GAS7: variants seen among roughly 807,000 people sequenced by gnomAD.
GAS7 encodes growth arrest-specific protein 7.
GAS7 carries 28 observed loss-of-function variants against 71.1 expected under a neutral mutation model. The ratio of observed to expected loss-of-function variants is 0.39; its 90% CI spans 0.29 to 0.54. The LOEUF (loss-of-function observed/expected upper bound fraction) is 0.54, where lower values mean the gene tolerates loss of function less well. Ranked by LOEUF, GAS7 falls within the 20% of genes least tolerant of loss-of-function variation. The pLI is 0.62. For synonymous variants in GAS7, 258 were observed against 245.8 expected, an observed-to-expected ratio of 1.05 and a Z score of -0.46; for missense variants, 436 against 627.8, an observed-to-expected ratio of 0.69 and a Z score of 3.27.
At chr17:10,045,269 C>T (rs1243291580) in intron 1 of GAS7, among the ~76,000 whole-genome samples, 1 of 152,158 alleles carries the variant, frequency 6.6e-6, no homozygotes, top group Non-Finnish European at 1.5e-5. Context: ...AGGCCATAGA[C>T]TGTGGCTGGC....
Position 10,034,813 on chromosome 17 carries a change from A to C in GAS7, c.184-14916T>G, listed in dbSNP as rs1244621092. ...TGTGCTTCCACCTCTCACCACACTG[A>C]GTTCTGTCCTGATGCGTCCACCTCT... On this transcript the variant is annotated intron_variant, in intron 1 of 13. Coordinates refer to ENST00000432992, the MANE Select transcript of GAS7 (RefSeq NM_201433.2). This position sits in a 1 kb window ranked among gnomAD's most constrained non-coding sequence, Gnocchi z 4.4. Among the ~76,000 whole-genome samples the C allele has an allele frequency of 1.3e-5, 2 of 151,988 alleles. No homozygotes were observed. The highest frequency in any genetic ancestry group is 4.8e-5 in the African/African-American group (2 of 41,368).
chr17:10,023,757 G>A (rs936333029), intron 1 of GAS7, among the ~76,000 whole-genome samples: 13 of 152,276 alleles, frequency 8.5e-5, no homozygotes, highest in Non-Finnish European at 1.9e-4. Context: ...GGTAATGGTT[G>A]CACAATATCA....
intron 2 of GAS7, among the ~76,000 whole-genome samples, chr17:9,986,802 C>T (rs1414499271): frequency 6.6e-6 from 1 of 152,174 alleles, no homozygotes; most frequent in Non-Finnish European, 1.5e-5. Flanking sequence ...AGGATTCAGC[C>T]CAGTCCATCT....
Position 9,974,175 on chromosome 17 carries a change from A to G in GAS7, c.386-4413T>C, listed in dbSNP as rs2070088170. The stretch of plus-strand genomic sequence containing the variant: ...CTCATGTCAAAACAATTACGAGGAA[A>G]GAAAACACAGTTTTCCATTCGACCC... On this transcript the variant is annotated intron_variant, in intron 3 of 13. Coordinates refer to ENST00000432992, the MANE Select transcript of GAS7 (RefSeq NM_201433.2). This position sits in a 1 kb window ranked among gnomAD's most constrained non-coding sequence, Gnocchi z 4.0. Among the ~76,000 whole-genome samples, 1 of 152,254 alleles carries G rather than the reference A, an allele frequency of 6.6e-6. No individual in the cohort carries two copies. The highest frequency in any genetic ancestry group is 2.4e-5 in the African/African-American group (1 of 41,468).
At chr17:10,130,689 TA>T (rs1238218215) in intron 1 of GAS7, among the ~76,000 whole-genome samples, 1 of 152,212 alleles carries the variant, frequency 6.6e-6, no homozygotes, top group Non-Finnish European at 1.5e-5. Flanking sequence ...AATGAAGTCC[TA>T]ATACATGCTA....
At chr17:10,104,652 A>C in intron 1 of GAS7, among the ~76,000 whole-genome samples, 1 of 152,140 alleles carries the variant, frequency 6.6e-6, no homozygotes, top group Non-Finnish European at 1.5e-5. Context: ...TCCATAACTC[A>C]TTTTAATAAA....
At position 9,917,154 on chromosome 17, in the gene GAS7, C is replaced by T. The variant is rs962006953; in HGVS notation, c.*74G>A. 1.8e-5 allele frequency: 17 copies of T among 919,790 alleles called. No individual in the cohort carries two copies. Among genetic ancestry groups the T allele is most frequent in the African/African-American group, 4.8e-5 (3 of 61,864 alleles). 57.0% of individuals were successfully genotyped at this position (919,790 alleles called of 1,614,324 possible). On this transcript the variant is annotated 3_prime_UTR_variant, in exon 14 of 14. Transcript: ENST00000432992. Reference sequence around the variant, plus strand: ...CCCAGGAGAGAGGGTGGGGGGCATCCACTCGGCATGGGCCCCATGGTGGGA... The same window carrying T: ...CCCAGGAGAGAGGGTGGGGGGCATCTACTCGGCATGGGCCCCATGGTGGGA...
At position 10,198,464 on chromosome 17, in the gene GAS7, G is replaced by T; in HGVS notation, c.-74C>A. ...CACGGGCTGGGCAGCGGCTCCGCGG[G>T]GTCCCAGGCGCCCGGCGCTCCGGGC... On this transcript the variant is annotated 5_prime_UTR_variant, in exon 1 of 14. Coordinates refer to ENST00000432992, the MANE Select transcript of GAS7 (RefSeq NM_201433.2). The T allele has an allele frequency of 8.7e-7, 1 of 1,149,752 alleles. No individual in the cohort carries two copies. Among genetic ancestry groups the T allele is most frequent in the Non-Finnish European group, 1.1e-6 (1 of 878,834 alleles). The allele number at this position is 1,149,752 out of a possible 1,614,324, so 71.2% of individuals were successfully genotyped here.
At chr17:9,977,081 G>A (rs1825202488) in intron 3 of GAS7, among the ~76,000 whole-genome samples, 1 of 152,210 alleles carries the variant, frequency 6.6e-6, no homozygotes, top group Non-Finnish European at 1.5e-5. Context: ...TCATGGTTTT[G>A]ACAAATGTAC....
intron 2 of GAS7, among the ~76,000 whole-genome samples, chr17:9,998,808 G>T (rs2071151250): frequency 6.6e-6 from 1 of 151,112 alleles, no homozygotes; most frequent in Non-Finnish European, 1.5e-5. Context: ...CTGCATTCCT[G>T]TGAGATGCCC....
At chr17:10,046,839 AGGAAGG>A (rs2072975071) in intron 1 of GAS7, among the ~76,000 whole-genome samples, 10 of 134,534 alleles carry the variant, frequency 7.4e-5, no homozygotes, top group Non-Finnish European at 1.5e-4. Context: ...GAAGGAAGGA[AGGAAGG>A]AAAGAAAAGA....
chr17:10,151,863 G>T (rs2074169121), intron 1 of GAS7, among the ~76,000 whole-genome samples: 1 of 152,154 alleles, frequency 6.6e-6, no homozygotes, highest in South Asian at 2.1e-4. Flanking sequence ...AAGTTTTCCA[G>T]TTTTGACTTT....
chr17:10,091,894 A>G (rs1567587980), intron 1 of GAS7, among the ~76,000 whole-genome samples: 2 of 151,996 alleles, frequency 1.3e-5, no homozygotes, highest in East Asian at 3.9e-4. Flanking sequence ...ATGTTTGCCC[A>G]GGCTGGTCTC....
chr17:10,084,248 G>C (rs2039697946), intron 1 of GAS7, among the ~76,000 whole-genome samples: 1 of 152,202 alleles, frequency 6.6e-6, no homozygotes. Flanking sequence ...GGAATTTTTA[G>C]GGGGAGAATA....
At chr17:10,087,230 G>A (rs1288512113) in intron 1 of GAS7, among the ~76,000 whole-genome samples, 1 of 152,214 alleles carries the variant, frequency 6.6e-6, no homozygotes, top group Non-Finnish European at 1.5e-5. Context: ...GAGCACATGG[G>A]TTCAGCTACC....
intron 1 of GAS7, among the ~76,000 whole-genome samples, chr17:10,147,143 C>T (rs1233871298): frequency 6.6e-6 from 1 of 152,026 alleles, no homozygotes; most frequent in Admixed American, 6.6e-5. Context: ...CATGGTTTGC[C>T]ATTTTTTTTA....
chr17:10,057,866 G>C (rs2073168367), intron 1 of GAS7, among the ~76,000 whole-genome samples: 1 of 152,280 alleles, frequency 6.6e-6, no homozygotes, highest in Admixed American at 6.5e-5. Context: ...TGTGTAGAAA[G>C]AAGTAGACAT....
At chr17:10,168,527 G>A (rs1399359686) in intron 1 of GAS7, among the ~76,000 whole-genome samples, 2 of 152,294 alleles carry the variant, frequency 1.3e-5, no homozygotes, top group South Asian at 2.1e-4. Flanking sequence ...CTGTATGTCT[G>A]TTTACGTACT....
chr17:9,915,982 G>T lies in GAS7; in HGVS notation c.*1246C>A, dbSNP rs2067571226. The T allele has an allele frequency of 4.3e-6, 1 of 233,060 alleles. No individual in the cohort carries two copies. The highest frequency in any genetic ancestry group is 1.8e-4 in the South Asian group (1 of 5,522). The allele number at this position is 233,060 out of a possible 1,614,324, so 14.4% of individuals were successfully genotyped here. On this transcript the variant is annotated 3_prime_UTR_variant, in exon 14 of 14. Transcript: ENST00000432992. ...TGGAAGATGGAGAGAGGGAAAGGAG[G>T]TGCAGACACCAAGTAAGGGTTTGGT... is the stretch of plus-strand genomic sequence containing the variant.
Sources: allele counts gnomAD v4.1 joint callset (sites outside exome capture counted in the v4.1 genomes callset), GRCh38; gene constraint gnomAD v4.1.1; non-coding constraint Gnocchi (gnomAD v3.1); transcripts MANE v1.5; gene names NCBI Gene and HGNC (gene_info 2026-07-23, HGNC 2026-07-21).